STX8: variants seen among roughly 807,000 people sequenced by gnomAD.
STX8 encodes syntaxin-8.
STX8 carries 23 observed loss-of-function variants against 37.5 expected under a neutral mutation model. The observed-to-expected ratio is 0.61, with a 90% confidence interval of 0.44 to 0.87. The LOEUF is 0.87. STX8 is among the 40% of genes least tolerant of loss of function. The pLI is 0.00. For missense variants in STX8, 313 were observed against 284.7 expected (o/e 1.10, Z -0.71); for synonymous variants, 115 against 99.1 (o/e 1.16, Z -0.95).
chr17:9,513,562 C>G (rs562996505), intron 4 of STX8, among the ~76,000 whole-genome samples: 1 of 152,286 alleles, frequency 6.6e-6, no homozygotes, highest in South Asian at 2.1e-4. Flanking sequence ...AACTCTTATA[C>G]ACAGATGGTG....
intron 5 of STX8, among the ~76,000 whole-genome samples, chr17:9,495,958 C>T (rs1478799437): frequency 6.6e-6 from 1 of 152,052 alleles, no homozygotes; most frequent in Non-Finnish European, 1.5e-5. Context: ...GAGGCTAAGG[C>T]AGGAGGACTG....
chr17:9,278,542 A>T (rs1907764674), intron 7 of STX8, among the ~76,000 whole-genome samples: 2 of 152,166 alleles, frequency 1.3e-5, no homozygotes. Flanking sequence ...AGGAGGAAAC[A>T]AAATTTCTAC....
At chr17:9,430,005 TTA>T (rs1208214064) in intron 6 of STX8, among the ~76,000 whole-genome samples, 1 of 7,662 alleles carries the variant, frequency 1.3e-4, no homozygotes, top group Admixed American at 2.4e-3. Flanking sequence ...AATATATATA[TTA>T]TATATTATAT....
At chr17:9,349,143 T>TTCCATAC (rs2142242285) in intron 7 of STX8, among the ~76,000 whole-genome samples, 1 of 149,974 alleles carries the variant, frequency 6.7e-6, no homozygotes, top group Admixed American at 6.6e-5. Flanking sequence ...AGGCGTCCAC[T>TTCCATAC]TCCATACCCA....
chr17:9,402,555 G>A (rs753031617), intron 6 of STX8, among the ~76,000 whole-genome samples: 55 of 152,104 alleles, frequency 3.6e-4, no homozygotes, highest in Non-Finnish European at 7.1e-4. Flanking sequence ...CAAAAATGAG[G>A]TAGGGGCGTC....
At chr17:9,503,277 G>T (rs1462007449) in intron 5 of STX8, among the ~76,000 whole-genome samples, 3 of 152,042 alleles carry the variant, frequency 2.0e-5, no homozygotes, top group Non-Finnish European at 2.9e-5. Context: ...AATTTATAGT[G>T]ACAGAAAGAA....
At chr17:9,290,744 G>A (rs538221112) in intron 7 of STX8, among the ~76,000 whole-genome samples, 3 of 152,216 alleles carry the variant, frequency 2.0e-5, no homozygotes, top group African/African-American at 7.2e-5. Context: ...CAATATATCC[G>A]ATATATACCT....
intron 7 of STX8, among the ~76,000 whole-genome samples, chr17:9,369,886 CAAAAAAA>C (rs60178482): frequency 0.051 from 2,666 of 52,110 alleles, 43 homozygotes; most frequent in Middle Eastern, 0.11. Context: ...GACCCTGTAC[CAAAAAAA>C]AAAAAAAAAA....
At chr17:9,273,934 AG>A (rs777546120) in intron 7 of STX8, among the ~76,000 whole-genome samples, 3 of 152,146 alleles carry the variant, frequency 2.0e-5, no homozygotes, top group Non-Finnish European at 2.9e-5. Context: ...CTGGATATAA[AG>A]GGGTGCTTCT....
chr17:9,367,770 G>A (rs772754110), intron 7 of STX8, among the ~76,000 whole-genome samples: 6 of 152,120 alleles, frequency 3.9e-5, no homozygotes, highest in East Asian at 1.9e-4. Context: ...TTGCTCTGTC[G>A]CCCAGGCTGG....
intron 3 of STX8, among the ~76,000 whole-genome samples, chr17:9,545,877 C>T (rs1454251360): frequency 3.3e-5 from 5 of 152,176 alleles, no homozygotes; most frequent in Non-Finnish European, 5.9e-5. Context: ...TCACCACGCC[C>T]AGCCCCAGTG....
intron 7 of STX8, among the ~76,000 whole-genome samples, chr17:9,370,194 G>A (rs926086951): frequency 2.6e-5 from 4 of 152,084 alleles, no homozygotes; most frequent in African/African-American, 4.8e-5. Context: ...CAGCCTGGGC[G>A]AAAGAGCAAG....
intron 7 of STX8, among the ~76,000 whole-genome samples, chr17:9,293,516 C>T (rs577482961): frequency 1.3e-5 from 2 of 151,342 alleles, no homozygotes; most frequent in East Asian, 1.9e-4. Context: ...CATGAGGTAG[C>T]TATGAAGAAT....
intron 7 of STX8, among the ~76,000 whole-genome samples, chr17:9,273,616 G>T (rs1320964437): frequency 6.6e-6 from 1 of 152,220 alleles, no homozygotes; most frequent in South Asian, 2.1e-4. Flanking sequence ...TTTCCTCATG[G>T]CGCTACGCAG....
chr17:9,389,540 G>T (rs1912135896), intron 6 of STX8, among the ~76,000 whole-genome samples: 1 of 152,146 alleles, frequency 6.6e-6, no homozygotes, highest in African/African-American at 2.4e-5. Flanking sequence ...CAAGGATTAA[G>T]AAATATTATA....
chr17:9,467,317 C>T (rs1464624450), intron 6 of STX8: 2 of 152,172 alleles, frequency 1.3e-5, no homozygotes, highest in Non-Finnish European at 2.9e-5. Context: ...ATCCTAGAGG[C>T]TTCCAGAGCT....
intron 6 of STX8, among the ~76,000 whole-genome samples, chr17:9,485,186 G>T (rs1906532740): frequency 6.6e-6 from 1 of 152,144 alleles, no homozygotes; most frequent in Admixed American, 6.5e-5. Flanking sequence ...GCAGAGAAAG[G>T]CTGAGAAGGA....
chr17:9,433,693 C>T (rs1914052860), intron 6 of STX8, among the ~76,000 whole-genome samples: 1 of 148,872 alleles, frequency 6.7e-6, no homozygotes, highest in African/African-American at 2.5e-5. Flanking sequence ...CAGGGGGTCA[C>T]AGATATTAAA....
In STX8 at chr17:9,483,212, C is replaced by T. The variant is rs1906421168; in HGVS notation, c.541+8617G>A. ...CCCGCAGAAGCTCTCAGGAAGAATC[C>T]ATTTCCTGGCTTTATTCCAGCTTTT... On this transcript the variant is annotated intron_variant, in intron 6 of 7. Transcript: ENST00000306357. Among the ~76,000 whole-genome samples, 3 of 152,066 alleles carry T rather than the reference C, an allele frequency of 2.0e-5. No individual in the cohort carries two copies. The South Asian group carries it at 6.2e-4, about 32-fold the overall frequency.
Sources: gnomAD v4.1 joint callset for allele counts (sites outside exome capture counted in the v4.1 genomes callset) on GRCh38, gnomAD v4.1.1 for gene constraint, MANE v1.5 for transcripts, NCBI Gene and HGNC (gene_info 2026-07-23, HGNC 2026-07-21) for gene names.